The following EEPD1 variants were observed in gnomAD, a reference collection of about 807,000 sequenced individuals.
EEPD1 encodes endonuclease/exonuclease/phosphatase family domain containing 1, also known as endonuclease/exonuclease/phosphatase family domain-containing protein 1.
In EEPD1, 17 loss-of-function variants were observed where a neutral mutation model predicts 46.3. The observed-to-expected ratio is 0.37, with a 90% confidence interval of 0.25 to 0.55. The LOEUF (loss-of-function observed/expected upper bound fraction) is 0.55, where lower values mean the gene tolerates loss of function less well. Among genes scored for constraint, EEPD1 ranks in the 20% least tolerant of loss-of-function variants. The pLI is 0.83. For synonymous variants in EEPD1, 313 were observed against 315.6 expected (o/e 0.99, Z 0.09); for missense variants, 673 against 745.6 (o/e 0.90, Z 1.13).
At chr7:36,291,775 C>T (rs898458750) in intron 6 of EEPD1, among the ~76,000 whole-genome samples, 1 of 152,196 alleles carries the variant, frequency 6.6e-6, no homozygotes, top group Non-Finnish European at 1.5e-5. Context: ...TTTATGACTT[C>T]GTTTATGAAC....
intron 2 of EEPD1, among the ~76,000 whole-genome samples, chr7:36,190,327 GCAC>G (rs5883537): frequency 0.8 from 121,819 of 151,540 alleles, 51,087 homozygotes; most frequent in Non-Finnish European, 0.92. Flanking sequence ...AGCTATGATT[GCAC>G]CACTGCACTC....
chr7:36,190,376 A>T (rs1562679810), intron 2 of EEPD1, among the ~76,000 whole-genome samples: 1 of 152,222 alleles, frequency 6.6e-6, no homozygotes, highest in Non-Finnish European at 1.5e-5. Context: ...TGTCTCAAAC[A>T]AACAAATATA....
chr7:36,205,658 GATTTTTCCCCAC>G, intron 2 of EEPD1, among the ~76,000 whole-genome samples: 1 of 152,206 alleles, frequency 6.6e-6, no homozygotes, highest in Admixed American at 6.5e-5. Context: ...CATAGAATGT[GATTTTTCCCCAC>G]GTGAAATGGC....
chr7:36,165,044 AG>A (rs1267894830), intron 2 of EEPD1, among the ~76,000 whole-genome samples: 2 of 139,452 alleles, frequency 1.4e-5, no homozygotes, highest in African/African-American at 5.5e-5. Flanking sequence ...TAGTGAAGAA[AG>A]AAAAAACTTT....
At chr7:36,192,372 A>G (rs1785476738) in intron 2 of EEPD1, among the ~76,000 whole-genome samples, 1 of 152,258 alleles carries the variant, frequency 6.6e-6, no homozygotes, top group Non-Finnish European at 1.5e-5. Context: ...GAGCAACAGC[A>G]GAGGGAACAC....
chr7:36,217,754 G>A (rs1786054634), intron 2 of EEPD1, among the ~76,000 whole-genome samples: 1 of 152,168 alleles, frequency 6.6e-6, no homozygotes, highest in African/African-American at 2.4e-5. Context: ...CAGGGAGAGA[G>A]GGGGGATTGC....
intron 3 of EEPD1, among the ~76,000 whole-genome samples, chr7:36,276,772 C>T (rs1386882066): frequency 6.6e-6 from 1 of 152,170 alleles, no homozygotes; most frequent in East Asian, 1.9e-4. Flanking sequence ...AAGAACCAGA[C>T]TCAGGCAATC....
chr7:36,278,162 C>T (rs148247875), intron 3 of EEPD1, among the ~76,000 whole-genome samples: 1 of 152,204 alleles, frequency 6.6e-6, no homozygotes, highest in Non-Finnish European at 1.5e-5. Context: ...CACTGGTGCT[C>T]ACACTGTGAC....
At chr7:36,160,676 T>TGGGGGGGGGGGGGGG (rs150571892) in intron 2 of EEPD1, among the ~76,000 whole-genome samples, 2 of 36,494 alleles carry the variant, frequency 5.5e-5, no homozygotes, top group Non-Finnish European at 1.3e-4. Context: ...TGGGAGGTGG[T>TGGGGGGGGGGGGGGG]GGGGGGCGGG....
intron 3 of EEPD1, among the ~76,000 whole-genome samples, chr7:36,260,556 C>T (rs555571408): frequency 4.3e-4 from 65 of 152,346 alleles, no homozygotes; most frequent in African/African-American, 1.5e-3. Context: ...GCTGCACTGG[C>T]TTTGGTGACA....
At chr7:36,220,927 G>A (rs1372759310) in intron 2 of EEPD1, among the ~76,000 whole-genome samples, 1 of 152,130 alleles carries the variant, frequency 6.6e-6, no homozygotes, top group African/African-American at 2.4e-5. Context: ...AGCCTCCTGA[G>A]TAGCTCGGAT....
At chr7:36,182,343 G>A (rs1438688210) in intron 2 of EEPD1, among the ~76,000 whole-genome samples, 1 of 152,242 alleles carries the variant, frequency 6.6e-6, no homozygotes, top group African/African-American at 2.4e-5. Context: ...GAGAGATCCT[G>A]CGTAGACACC....
chr7:36,292,891 T>C (rs958962677), intron 6 of EEPD1, among the ~76,000 whole-genome samples: 2 of 152,134 alleles, frequency 1.3e-5, no homozygotes, highest in Non-Finnish European at 2.9e-5. Flanking sequence ...TCCTAGCTAA[T>C]TTGGATTCAT....
chr7:36,175,746 A>T (rs958335527), intron 2 of EEPD1, among the ~76,000 whole-genome samples: 7 of 152,156 alleles, frequency 4.6e-5, no homozygotes, highest in Non-Finnish European at 1.0e-4. Context: ...TTAGGAGCAG[A>T]ATCATTCCCA....
At chr7:36,177,598 C>A (rs561298538) in intron 2 of EEPD1, among the ~76,000 whole-genome samples, 14 of 152,302 alleles carry the variant, frequency 9.2e-5, no homozygotes, top group South Asian at 8.3e-4. Flanking sequence ...GACATGATTT[C>A]ATTTTTTTTA....
chr7:36,208,989 G>A (rs143821618), intron 2 of EEPD1, among the ~76,000 whole-genome samples: 164 of 152,306 alleles, frequency 1.1e-3, no homozygotes, highest in Non-Finnish European at 1.8e-3. Context: ...GAGGTAGAGC[G>A]CAGACCTGGA....
At chr7:36,206,885 C>G (rs1785829612) in intron 2 of EEPD1, among the ~76,000 whole-genome samples, 1 of 152,020 alleles carries the variant, frequency 6.6e-6, no homozygotes, top group Admixed American at 6.6e-5. Flanking sequence ...ACCGTCTCTA[C>G]CAAAAATATA....
At chr7:36,178,452 G>A (rs2115648350) in intron 2 of EEPD1, among the ~76,000 whole-genome samples, 1 of 152,330 alleles carries the variant, frequency 6.6e-6, no homozygotes, top group South Asian at 2.1e-4. Flanking sequence ...CCCCTTCTTG[G>A]TCTCCTCATC....
At chr7:36,218,126 G>T (rs901147040) in intron 2 of EEPD1, among the ~76,000 whole-genome samples, 15 of 152,170 alleles carry the variant, frequency 9.9e-5, no homozygotes, top group Admixed American at 9.8e-4. Context: ...TAAGAACTGC[G>T]TAACGGTCCC....
Sources: gnomAD v4.1 joint callset for allele counts (sites outside exome capture counted in the v4.1 genomes callset) on GRCh38, gnomAD v4.1.1 for gene constraint, MANE v1.5 for transcripts, NCBI Gene and HGNC (gene_info 2026-07-23, HGNC 2026-07-21) for gene names.